TAF7L: variants seen among roughly 807,000 people sequenced by gnomAD.
TAF7L encodes the protein transcription initiation factor TFIID subunit 7-like.
A neutral mutation model predicts 30.2 loss-of-function variants in TAF7L; 6 were observed. The observed-to-expected ratio is 0.20, with a 90% CI of 0.11 to 0.39. TAF7L has a LOEUF of 0.39. TAF7L is among the 10% of genes least tolerant of loss of function. The probability of loss-of-function intolerance (pLI) is 1.00; values close to 1 mark genes in which losing one functional copy is unlikely to be tolerated. For missense variants in TAF7L, 284 were observed against 277.1 expected (o/e 1.03, Z -0.18); for synonymous variants, 93 against 94.5 (o/e 0.98, Z 0.09).
chrX:101,276,729 G>A (rs1168748144), intron 9 of TAF7L, among the ~76,000 whole-genome samples: 1 of 111,258 alleles, frequency 9.0e-6, no homozygotes, highest in Non-Finnish European at 1.9e-5. Flanking sequence ...TGTAGTGAAT[G>A]ATCAAGATAT....
At chrX:101,276,678 A>C (rs755391871) in intron 9 of TAF7L, 150 bp from the exon 10 acceptor site, 1 of 592,550 alleles carries the variant, frequency 1.7e-6, no homozygotes, top group Non-Finnish European at 2.7e-6. Flanking sequence ...TCCCTTTATA[A>C]AACAAGGACA....
At chrX:101,279,348 G>A (rs900067925) in intron 6 of TAF7L, among the ~76,000 whole-genome samples, 1 of 112,104 alleles carries the variant, frequency 8.9e-6, no homozygotes, top group African/African-American at 3.2e-5. Context: ...TTGGCCAGGC[G>A]TGGTGGCTCA....
intron 2 of TAF7L, among the ~76,000 whole-genome samples, chrX:101,287,018 C>G (rs1250345329): frequency 8.9e-6 from 1 of 112,148 alleles, no homozygotes; most frequent in African/African-American, 3.2e-5. Context: ...CTTAATATAG[C>G]TGCCTAGACT....
chrX:101,287,331 A>G, intron 2 of TAF7L, 147 bp downstream of exon 2: 1 of 495,990 alleles, frequency 2.0e-6, no homozygotes, highest in Admixed American at 4.0e-5. Flanking sequence ...CTATGATAGG[A>G]CTGCTTAACA....
intron 12 of TAF7L, among the ~76,000 whole-genome samples, chrX:101,273,521 G>A (rs1358345133): frequency 4.8e-5 from 5 of 105,166 alleles, no homozygotes; most frequent in Admixed American, 1.0e-4. Flanking sequence ...CCCGAGAGGC[G>A]GATGTTGCAG....
At chrX:101,275,165 A>G in intron 12 of TAF7L, 57 bp downstream of exon 12, 1 of 858,593 alleles carries the variant, frequency 1.2e-6, no homozygotes, top group Middle Eastern at 2.9e-4. Flanking sequence ...TTGGAATTGA[A>G]GTGGGGGATT....
Position 101,291,248 on chromosome X carries a change from A to T in TAF7L, c.-27T>A, listed in dbSNP as rs1401807174. ...CCCGCTCCTCCGGGAACTGGCGCCG[A>T]CACCGAAAAGGCTGGGACCTGCGTC... On this transcript the variant is annotated 5_prime_UTR_variant, in exon 1 of 13. Transcript: ENST00000356784. 1.3e-6 allele frequency: 1 copy of T among 752,293 alleles called. No homozygotes were observed. Among genetic ancestry groups the T allele is most frequent in the African/African-American group, 2.3e-5 (1 of 43,255 alleles). The allele number at this position is 752,293 out of a possible 1,213,427, so 62.0% of individuals were successfully genotyped here.
chrX:101,291,392 G>T, upstream of TAF7L: 1 of 501,104 alleles, frequency 2.0e-6, no homozygotes, highest in South Asian at 1.0e-4. Flanking sequence ...TCCCCGCCTC[G>T]CCACGCCTCC....
intron 1 of TAF7L, 145 bp from the exon 2 acceptor site, chrX:101,287,690 A>T: frequency 2.5e-6 from 1 of 393,231 alleles, no homozygotes; most frequent in South Asian, 7.3e-5. Flanking sequence ...GTACAGTTAG[A>T]CAATACCTTA....
intron 7 of TAF7L, among the ~76,000 whole-genome samples, chrX:101,278,638 C>G (rs1924300668): frequency 8.9e-6 from 1 of 112,137 alleles, no homozygotes; most frequent in Admixed American, 9.5e-5. Context: ...TGTTGTGCCA[C>G]AAATAGAAAT....
chrX:101,272,963 G>A (rs962418953), intron 12 of TAF7L, among the ~76,000 whole-genome samples: 7 of 110,128 alleles, frequency 6.4e-5, no homozygotes, highest in African/African-American at 2.0e-4. Context: ...TTGGAGAGAC[G>A]GGGTTTCACC....
intron 8 of TAF7L, 122 bp downstream of exon 8, chrX:101,277,927 A>G: frequency 1.6e-6 from 1 of 642,050 alleles, no homozygotes; most frequent in Non-Finnish European, 2.5e-6. Flanking sequence ...TAGCTAGAAC[A>G]TTTCAAAGAA....
At chrX:101,284,451 G>A (rs1476180124) in intron 3 of TAF7L, among the ~76,000 whole-genome samples, 2 of 111,850 alleles carry the variant, frequency 1.8e-5, no homozygotes, top group Admixed American at 9.5e-5. Context: ...TGCAATCTCC[G>A]CCCCCTGGGT....
At chrX:101,278,184 C>T in intron 7 of TAF7L, 63 bp from the exon 8 acceptor site, 3 of 891,330 alleles carry the variant, frequency 3.4e-6, no homozygotes, top group African/African-American at 1.9e-5. Context: ...CTGTGTGTTG[C>T]AGGAGTGCCC....
rs762977612 is a variant in TAF7L at position 101,276,502 on chromosome X, T to C, written c.718A>G (p.Ser240Gly). Residue 240 changes from serine (S) to glycine (G), a missense_variant, in exon 10 of 13, where the codon AGT (serine) becomes GGT (glycine). Physicochemically the swap from Ser to Gly is moderately conservative, Grantham distance 56. Coordinates refer to ENST00000356784, the MANE Select transcript of TAF7L (RefSeq NM_001168474.2). ...TCATCATTGTTACTTCTAGAATCAC[T>C]GAACATCTCCCGAAGCATATCATAT... ...SEYDMLREMF[S>G]DSRSNNDDDE... 1.7e-6 allele frequency: 2 copies of C among 1,211,021 alleles called. No individual in the cohort carries two copies. Among genetic ancestry groups the C allele is most frequent in the Non-Finnish European group, 1.1e-6 (1 of 895,124 alleles).
intron 7 of TAF7L, 111 bp from the exon 8 acceptor site, chrX:101,278,232 A>G (rs1213677187): frequency 3.7e-6 from 2 of 545,714 alleles, no homozygotes; most frequent in African/African-American, 2.3e-5. Flanking sequence ...AGGCCTCTTT[A>G]AATTCTGATC....
At chrX:101,281,888 T>G (rs1924422464) in intron 5 of TAF7L, 113 bp from the exon 6 acceptor site, 1 of 374,056 alleles carries the variant, frequency 2.7e-6, no homozygotes, top group Admixed American at 5.5e-5. Flanking sequence ...ATCACTCCTT[T>G]TTTTTTTTTT....
At chrX:101,287,666 C>G (rs1924653198) in intron 1 of TAF7L, 121 bp from the exon 2 acceptor site, 1 of 495,901 alleles carries the variant, frequency 2.0e-6, no homozygotes, top group African/African-American at 2.4e-5. Flanking sequence ...ATAATCCTCA[C>G]TAGAATGATG....
intron 12 of TAF7L, among the ~76,000 whole-genome samples, chrX:101,275,005 C>A (rs1252420491): frequency 1.8e-5 from 2 of 111,573 alleles, no homozygotes; most frequent in Non-Finnish European, 3.8e-5. Context: ...TTGTCTTATT[C>A]AACACCGTAC....
Sources: gnomAD v4.1 joint callset for allele counts (sites outside exome capture counted in the v4.1 genomes callset) on GRCh38, gnomAD v4.1.1 for gene constraint, MANE v1.5 for transcripts, NCBI Gene and HGNC (gene_info 2026-07-23, HGNC 2026-07-21) for gene names.